HID1: variants seen among roughly 807,000 people sequenced by gnomAD.
HID1 encodes the protein HID1 domain containing.
Under a neutral mutation model 89.7 loss-of-function variants are expected in HID1, and 42 were observed. That is an observed-to-expected ratio of 0.47 (90% CI 0.37 to 0.61). The LOEUF (loss-of-function observed/expected upper bound fraction) is 0.61. HID1 is among the 20% of genes least tolerant of loss of function. HID1 has a pLI of 0.00. For missense variants in HID1, 854 were observed against 1,039.3 expected, an observed-to-expected ratio of 0.82 and a Z score of 2.45; for synonymous variants, 442 against 433.8, an observed-to-expected ratio of 1.02 and a Z score of -0.24.
intron 6 of HID1, chr17:74,961,609 G>T (rs1214471622): frequency 1.2e-5 from 3 of 249,334 alleles, no homozygotes; most frequent in South Asian, 3.5e-4. Flanking sequence ...AATTGCACTC[G>T]TGGTTTGCAT....
At chr17:74,956,395 G>A (rs1002916965) in intron 12 of HID1, among the ~76,000 whole-genome samples, 1 of 152,212 alleles carries the variant, frequency 6.6e-6, no homozygotes, top group Non-Finnish European at 1.5e-5. Context: ...AAGCTGCCAT[G>A]TCACTAGAGG....
chr17:74,971,315 G>A (rs1322075833), intron 1 of HID1, among the ~76,000 whole-genome samples: 1 of 152,172 alleles, frequency 6.6e-6, no homozygotes, highest in East Asian at 1.9e-4. Context: ...GCCACCCACA[G>A]AACGAAAACC....
At position 74,959,052 on chromosome 17, in the gene HID1, C is replaced by A. The variant is rs757488824; in HGVS notation, c.1009-1G>T. 3.8e-6 allele frequency: 6 copies of A among 1,559,192 alleles called. No homozygotes were observed. In the Admixed American group the frequency reaches 1.3e-4, roughly 33 times the overall value. On this transcript the variant is annotated splice_acceptor_variant, in intron 8 of 18. Transcript: ENST00000425042. LOFTEE classifies it high-confidence loss of function. The surrounding 1 kb of genome is among the most constrained non-coding windows in gnomAD (Gnocchi z 4.6). The stretch of plus-strand genomic sequence containing the variant: ...TACCCTTGAGGATGAACTGGAAGTC[C>A]TGGGGGCGAGGGCAGAGCAGGGGGC...
In HID1 at chr17:74,959,788, T is replaced by C. The variant is rs2039450358; in HGVS notation, c.1008+93A>G. On this transcript the variant is annotated intron_variant, in intron 8 of 18. Transcript: ENST00000425042. This position sits in a 1 kb window ranked among gnomAD's most constrained non-coding sequence, Gnocchi z 4.6. ...GGGTGGCCCCAGCCCACAGAGAGCA[T>C]GGTTCCTTCATGGAGGGGTCAGGAT... The C allele has an allele frequency of 3.0e-6, 4 of 1,341,374 alleles. No individual in the cohort carries two copies. Among genetic ancestry groups the C allele is most frequent in the South Asian group, 2.4e-5 (2 of 82,628 alleles). The allele number at this position is 1,341,374 out of a possible 1,614,324, so 83.1% of individuals were successfully genotyped here. A position where few individuals can be genotyped will look rare whatever the true frequency, so the allele number is the denominator to read the frequency against.
Position 74,954,260 on chromosome 17 carries a change from C to T in HID1, c.1742G>A (p.Arg581His), listed in dbSNP as rs766799178. Residue 581 changes from arginine to histidine, a missense_variant, in exon 14 of 19, where the codon CGC becomes CAC. By Grantham distance (29) the Arg-to-His change is conservative. Coordinates refer to ENST00000425042, the MANE Select transcript of HID1 (RefSeq NM_030630.3). ...PPTIHKALQR[R>H]RRTPEPLSRT... is the part of the protein sequence containing the mutation. ...AGACAAGGGCTCAGGTGTCCGCCGGCGCCGCTGCAGGGCCTTGTGAATGGT... is the reference window on the plus strand; with the variant it reads ...AGACAAGGGCTCAGGTGTCCGCCGGTGCCGCTGCAGGGCCTTGTGAATGGT... 2.8e-5 allele frequency: 44 copies of T among 1,587,820 alleles called. No individual in the cohort carries two copies. Among genetic ancestry groups the T allele is most frequent in the Admixed American group, 1.1e-4 (6 of 55,076 alleles).
Position 74,972,636 on chromosome 17 carries a change from C to A in HID1, c.21G>T (p.Lys7Asn). Residue 7 changes from lysine to asparagine, a missense_variant, in exon 1 of 19, where the codon AAG (lysine) becomes AAT (asparagine). Transcript: ENST00000425042. This position sits in a 1 kb window ranked among gnomAD's most constrained non-coding sequence, Gnocchi z 6.4. ...GGATCACCGCCTTCCGGAAGTTCAG[C>A]TTGGAGTCGGTCGACCCCATGTCTC... MGSTDS[K>N]LNFRKAVIQL... 6.5e-7 allele frequency: 1 copy of A among 1,549,074 alleles called. No individual in the cohort carries two copies. Among genetic ancestry groups the A allele is most frequent in the Non-Finnish European group, 8.7e-7 (1 of 1,145,770 alleles).
In HID1 at chr17:74,958,518, G is replaced by A. The variant is rs764193986; in HGVS notation, c.1241-40C>T. On this transcript the variant is annotated intron_variant, in intron 10 of 18. Transcript: ENST00000425042. This position sits in a 1 kb window ranked among gnomAD's most constrained non-coding sequence, Gnocchi z 5.2. ...GTGGGAGGGGTCACTCGGGTGGGAG[G>A]GGGAAGGAGGGGCCCAGGCAGTGAC... 2.4e-5 allele frequency: 38 copies of A among 1,572,184 alleles called. No homozygotes were observed. In the Middle Eastern group the frequency reaches 5.1e-4, roughly 21 times the overall value.
At position 74,958,752 on chromosome 17, in the gene HID1, G is replaced by A; in HGVS notation, c.1161C>T (p.Phe387=). The A allele has an allele frequency of 6.2e-7, 1 of 1,611,934 alleles. No homozygotes were observed. The highest frequency in any genetic ancestry group is 8.5e-7 in the Non-Finnish European group (1 of 1,179,208). ...KLCDFNKKFL[F]FVLKSSDVLD... is the part of the protein sequence containing the mutation. ...GGACGTCGCTGCTCTTCAGCACGAAGAAGAGGAATTTCTAGGGGTGCGGGG... is the reference window on the plus strand; with the variant it reads ...GGACGTCGCTGCTCTTCAGCACGAAAAAGAGGAATTTCTAGGGGTGCGGGG... The change falls in exon 10 of 19, where the codon TTC becomes TTT. Residue 387 remains phenylalanine, a synonymous_variant. Transcript: ENST00000425042. This position sits in a 1 kb window ranked among gnomAD's most constrained non-coding sequence, Gnocchi z 5.2.
At position 74,958,190 on chromosome 17, in the gene HID1, G is replaced by A. The variant is rs145277511; in HGVS notation, c.1422C>T (p.His474=). 2.3e-3 allele frequency: 3,684 copies of A among 1,611,362 alleles called. 12 individuals are homozygous for A. The highest frequency in any genetic ancestry group is 2.6e-3 in the Non-Finnish European group (3,110 of 1,179,006). Residue 474 remains histidine (H), a synonymous_variant, in exon 12 of 19, where the codon CAC becomes CAT. Coordinates refer to ENST00000425042, the MANE Select transcript of HID1 (RefSeq NM_030630.3). This position sits in a 1 kb window ranked among gnomAD's most constrained non-coding sequence, Gnocchi z 5.2. ...VVFHKIITSG[H]QRLQPLFDCL... ...AGTCGAAGAGGGGCTGCAACCGCTG[G>A]TGCCCGCTGGTGATGATCTTGTGGA...
chr17:74,961,672 T>G, intron 6 of HID1: 1 of 356,698 alleles, frequency 2.8e-6, no homozygotes, highest in Non-Finnish European at 5.1e-6. Flanking sequence ...GACGGATTAC[T>G]GAGGGGCCCC....
chr17:74,972,049 G>A lies in HID1; in HGVS notation c.66+542C>T, dbSNP rs2039655274. 6.6e-6 allele frequency among the ~76,000 whole-genome samples: 1 copy of A among 152,224 alleles called. No individual in the cohort carries two copies. Among genetic ancestry groups the A allele is most frequent in the South Asian group, 2.1e-4 (1 of 4,834 alleles). On this transcript the variant is annotated intron_variant, in intron 1 of 18. Coordinates refer to ENST00000425042, the MANE Select transcript of HID1 (RefSeq NM_030630.3). The surrounding 1 kb of genome is among the most constrained non-coding windows in gnomAD (Gnocchi z 6.4). ...CCCGCCACTCTTTGCGTGTTCCCAG[G>A]AAGACCTGGGCCTTCCCTGCCCACG...
intron 13 of HID1, chr17:74,954,744 CAGG>C (rs1324819857): frequency 1.0e-5 from 3 of 286,776 alleles, no homozygotes; most frequent in Non-Finnish European, 2.0e-5. Flanking sequence ...GCAAGGTGGC[CAGG>C]AGAAGTCACA....
rs1483106541 is a variant in HID1 at position 74,972,644 on chromosome 17, C to T, written c.13G>A (p.Asp5Asn). ...GCCTTCCGGAAGTTCAGCTTGGAGTCGGTCGACCCCATGTCTCTGGAGCCC... is the reference window on the plus strand; with the variant it reads ...GCCTTCCGGAAGTTCAGCTTGGAGTTGGTCGACCCCATGTCTCTGGAGCCC... MGST[D>N]SKLNFRKAVI... Residue 5 changes from aspartate to asparagine, a missense_variant, in exon 1 of 19, where the codon GAC becomes AAC. Transcript: ENST00000425042. This position sits in a 1 kb window ranked among gnomAD's most constrained non-coding sequence, Gnocchi z 6.4. The T allele has an allele frequency of 1.3e-6, 2 of 1,548,364 alleles. No homozygotes were observed. The highest frequency in any genetic ancestry group is 8.7e-7 in the Non-Finnish European group (1 of 1,145,522).
chr17:74,958,822 AC>A lies in HID1; in HGVS notation c.1150-60del, dbSNP rs1335668549. ...TTCAAGGGAGGGGCAGCTCTGCCCCACCCCCCTCAGTCTGACACTGTCCCTG... is the reference window on the plus strand; with the variant it reads ...TTCAAGGGAGGGGCAGCTCTGCCCCACCCCCTCAGTCTGACACTGTCCCTG... On this transcript the variant is annotated intron_variant, in intron 9 of 18. Coordinates refer to ENST00000425042, the MANE Select transcript of HID1 (RefSeq NM_030630.3). The surrounding 1 kb of genome is among the most constrained non-coding windows in gnomAD (Gnocchi z 5.2). The A allele has an allele frequency of 3.7e-5, 59 of 1,587,578 alleles. No homozygotes were observed. The highest frequency in any genetic ancestry group is 4.6e-5 in the Non-Finnish European group (53 of 1,162,540).
intron 12 of HID1, among the ~76,000 whole-genome samples, chr17:74,956,404 G>A (rs1299587099): frequency 6.6e-6 from 1 of 152,280 alleles, no homozygotes; most frequent in East Asian, 1.9e-4. Flanking sequence ...TGTCACTAGA[G>A]GTGTATTTTG....
At chr17:74,955,053 C>G (rs115019225) in intron 13 of HID1, 1,959 of 157,126 alleles carry the variant, frequency 0.012, 40 homozygotes, top group African/African-American at 0.045. Context: ...CTTCTGAGAC[C>G]AGGACCCTTA....
chr17:74,971,597 G>A (rs957828909), intron 1 of HID1, among the ~76,000 whole-genome samples: 1 of 152,058 alleles, frequency 6.6e-6, no homozygotes, highest in African/African-American at 2.4e-5. Flanking sequence ...AGCAGGAGGT[G>A]GGGGGGCCAG....
In HID1 at chr17:74,952,258, G is replaced by C; in HGVS notation, c.2144+11C>G. The C allele has an allele frequency of 6.2e-7, 1 of 1,609,460 alleles. No homozygotes were observed. Among genetic ancestry groups the C allele is most frequent in the Non-Finnish European group, 8.5e-7 (1 of 1,177,234 alleles). ...GCCCACAACCCCCGGCCCTGCCGGC[G>C]CCCGACTCACTTGTCAATGCAGATC... On this transcript the variant is annotated intron_variant, in intron 17 of 18. Coordinates refer to ENST00000425042, the MANE Select transcript of HID1 (RefSeq NM_030630.3).
chr17:74,953,382 C>A (rs1188160611), intron 15 of HID1, among the ~76,000 whole-genome samples, 163 bp downstream of exon 15: 70 of 152,174 alleles, frequency 4.6e-4, no homozygotes, highest in Non-Finnish European at 2.9e-5. Flanking sequence ...AAGGCCCCCA[C>A]CCCCAAGGGA....
Sources: gnomAD v4.1 joint callset for allele counts (sites outside exome capture counted in the v4.1 genomes callset) on GRCh38, gnomAD v4.1.1 for gene constraint, Gnocchi (gnomAD v3.1) non-coding constraint, MANE v1.5 for transcripts, NCBI Gene and HGNC (gene_info 2026-07-23, HGNC 2026-07-21) for gene names.